VCAM1: variants seen among roughly 807,000 people sequenced by gnomAD.
The protein encoded by VCAM1 is vascular cell adhesion molecule 1.
A neutral mutation model predicts 63.8 loss-of-function variants in VCAM1; 41 were observed. The observed-to-expected ratio is 0.64, with a 90% CI of 0.50 to 0.83. The LOEUF is 0.83. Among genes scored for constraint, VCAM1 ranks in the 40% least tolerant of loss-of-function variants. The probability of loss-of-function intolerance (pLI) is 0.00; values close to 1 mark genes in which losing one functional copy is unlikely to be tolerated. For synonymous variants in VCAM1, 338 were observed against 320.7 expected, an observed-to-expected ratio of 1.05 and a Z score of -0.58; for missense variants, 798 against 875.5, an observed-to-expected ratio of 0.91 and a Z score of 1.12.
intron 4 of VCAM1, among the ~76,000 whole-genome samples, chr1:100,725,424 A>G (rs922591860): frequency 6.6e-6 from 1 of 152,040 alleles, no homozygotes; most frequent in African/African-American, 2.4e-5. Flanking sequence ...TAAACACCAG[A>G]TAGGTTTCTG....
intron 4 of VCAM1, among the ~76,000 whole-genome samples, chr1:100,728,436 C>T (rs1660258509): frequency 6.6e-6 from 1 of 151,942 alleles, no homozygotes; most frequent in Non-Finnish European, 1.5e-5. Flanking sequence ...TAGCTTTTTC[C>T]AGTACCTCTT....
intron 4 of VCAM1, among the ~76,000 whole-genome samples, chr1:100,725,227 A>C (rs376615703): frequency 4.6e-5 from 7 of 151,804 alleles, no homozygotes; most frequent in East Asian, 3.9e-4. Flanking sequence ...CTAGATTCCC[A>C]GGAATTGGAC....
chr1:100,726,481 T>C (rs957202712), intron 4 of VCAM1, among the ~76,000 whole-genome samples: 1 of 152,082 alleles, frequency 6.6e-6, no homozygotes. Context: ...TCAGTGCCTC[T>C]GCTTACGCTG....
In VCAM1 at chr1:100,734,575, T is replaced by C. The variant is rs1660582763; in HGVS notation, c.1866T>C (p.Ser622=). 6.2e-7 allele frequency: 1 copy of C among 1,613,896 alleles called. No homozygotes were observed. Among genetic ancestry groups the C allele is most frequent in the Admixed American group, 1.7e-5 (1 of 59,948 alleles). The change falls in exon 8 of 9, where the codon TCT becomes TCC. Residue 622 remains serine (S), a synonymous_variant. Coordinates refer to ENST00000294728, the MANE Select transcript of VCAM1 (RefSeq NM_001078.4). ...SVKEGDTVII[S]CTCGNVPETW... ...AAGAAGGAGACACTGTCATCATCTC[T>C]TGTACATGTGGAAATGTTCCAGAAA...
In VCAM1 at chr1:100,720,640, A is replaced by T; in HGVS notation, c.229A>T (p.Thr77Ser). The change falls in exon 2 of 9, where the codon ACA (threonine) becomes TCA (serine). Residue 77 changes from threonine to serine, a missense_variant. By Grantham distance (58) the Thr-to-Ser change is moderately conservative (BLOSUM62 1). Transcript: ENST00000294728. ...TGGGAAGGTGACGAATGAGGGGACC[A>T]CATCTACGCTGACAATGAATCCTGT... Reference protein sequence around the residue: ...LNGKVTNEGTTSTLTMNPVSF... With the variant: ...LNGKVTNEGTSSTLTMNPVSF... 3.7e-6 allele frequency: 6 copies of T among 1,613,256 alleles called. No individual in the cohort carries two copies. The highest frequency in any genetic ancestry group is 4.2e-6 in the Non-Finnish European group (5 of 1,179,522).
chr1:100,721,938 C>T (rs1571453193), intron 2 of VCAM1, among the ~76,000 whole-genome samples: 2 of 151,948 alleles, frequency 1.3e-5, no homozygotes, highest in Admixed American at 1.3e-4. Flanking sequence ...ATTTCCAGCT[C>T]CTTTGTCTTT....
rs773170568 is a variant in VCAM1 at position 100,731,078 on chromosome 1, C to T, written c.1205-120C>T. 2.5e-6 allele frequency: 2 copies of T among 806,740 alleles called. No homozygotes were observed. The highest frequency in any genetic ancestry group is 2.7e-5 in the East Asian group (1 of 37,134). The allele number at this position is 806,740 out of a possible 1,614,324, so 50.0% of individuals were successfully genotyped here. A position where few individuals can be genotyped will look rare whatever the true frequency, so the allele number is the denominator to read the frequency against. ...AATACTGTCATTACTTATATATTGA[C>T]AGTCATTCTATCCCAGGTGACTTAA... On this transcript the variant is annotated intron_variant, in intron 5 of 8. Coordinates refer to ENST00000294728, the MANE Select transcript of VCAM1 (RefSeq NM_001078.4). The surrounding 1 kb of genome is among the most constrained non-coding windows in gnomAD (Gnocchi z 4.2).
Position 100,729,387 on chromosome 1 carries a change from G to T in VCAM1, c.1204+5G>T. 1 of 1,554,906 alleles carries T rather than the reference G, an allele frequency of 6.4e-7. No homozygotes were observed. Among genetic ancestry groups the T allele is most frequent in the Non-Finnish European group, 8.7e-7 (1 of 1,153,542 alleles). The stretch of plus-strand genomic sequence containing the variant: ...GAATCCAGGTGGAGCTCTACTGTAA[G>T]TGGTTTTCAGAATTGTTTACTGTTT... On this transcript the variant is annotated splice_donor_5th_base_variant and intron_variant, in intron 5 of 8. Transcript: ENST00000294728.
At chr1:100,736,382 G>T (rs1482517143) in intron 8 of VCAM1, 1 of 152,106 alleles carries the variant, frequency 6.6e-6, no homozygotes, top group African/African-American at 2.4e-5. Flanking sequence ...CATTTGGCTG[G>T]ATTTTTTATT....
rs1659883245 is a variant in VCAM1, at chr1:100,719,772, A to G, written c.-89A>G. The G allele has an allele frequency of 7.3e-7, 1 of 1,373,256 alleles. No homozygotes were observed. Among genetic ancestry groups the G allele is most frequent in the Non-Finnish European group, 1.0e-6 (1 of 991,184 alleles). 85.1% of individuals were successfully genotyped at this position (1,373,256 alleles called of 1,614,324 possible). On this transcript the variant is annotated 5_prime_UTR_variant, in exon 1 of 9. Coordinates refer to ENST00000294728, the MANE Select transcript of VCAM1 (RefSeq NM_001078.4). ...ATCTGCATCGGGCCTCACTGGCTTC[A>G]GGAGCTGAATACCCTCCCAGGCACA...
rs751672963 is a variant in VCAM1 at position 100,731,360 on chromosome 1, C to T, written c.1367C>T (p.Thr456Met). The change falls in exon 6 of 9, where the codon ACG (threonine) becomes ATG (methionine). Residue 456 changes from threonine (T) to methionine (M), a missense_variant. Physicochemically the swap from Thr to Met is moderately conservative, Grantham distance 81. Coordinates refer to ENST00000294728, the MANE Select transcript of VCAM1 (RefSeq NM_001078.4). The surrounding 1 kb of genome is among the most constrained non-coding windows in gnomAD (Gnocchi z 4.2). ...GAGAATATAGAGTTTTTGGAGGATA[C>T]GGATATGAAATCTCTAGAGAACAAA... The part of the protein sequence containing the change: ...ILENIEFLED[T>M]DMKSLENKSL... The T allele has an allele frequency of 3.0e-5, 48 of 1,613,460 alleles. No individual in the cohort carries two copies. The highest frequency in any genetic ancestry group is 2.5e-4 in the Admixed American group (15 of 59,894).
intron 4 of VCAM1, among the ~76,000 whole-genome samples, chr1:100,726,679 A>G (rs1660172280): frequency 6.6e-6 from 1 of 152,076 alleles, no homozygotes; most frequent in African/African-American, 2.4e-5. Flanking sequence ...AACAAATATT[A>G]AGAGCCCTTG....
intron 4 of VCAM1, among the ~76,000 whole-genome samples, chr1:100,727,795 G>A (rs963779798): frequency 5.3e-5 from 8 of 152,056 alleles, no homozygotes; most frequent in Admixed American, 1.3e-4. Context: ...TTGTTTTTGT[G>A]AATGAGCTCT....
chr1:100,734,512 A>G lies in VCAM1; in HGVS notation c.1803A>G (p.Lys601=), dbSNP rs769919999. The change falls in exon 8 of 9, where the codon AAA becomes AAG. Residue 601 remains lysine, a synonymous_variant. Coordinates refer to ENST00000294728, the MANE Select transcript of VCAM1 (RefSeq NM_001078.4). ...AAATTCTCTTTACAGTTACTCCAAA[A>G]GACATAAAACTTACAGCTTTTCCTT... ...EVELIIQVTP[K]DIKLTAFPSE... is the part of the protein sequence containing the mutation. The G allele has an allele frequency of 1.1e-5, 18 of 1,612,090 alleles. No individual in the cohort carries two copies. In the South Asian group the frequency reaches 1.7e-4, roughly 15 times the overall value.
At chr1:100,737,152 A>G (rs1242672249) in intron 8 of VCAM1, 1 of 152,172 alleles carries the variant, frequency 6.6e-6, no homozygotes, top group Non-Finnish European at 1.5e-5. Flanking sequence ...TCCATTTACA[A>G]CTAAGTGGCA....
rs1055644132 is a variant in VCAM1, at chr1:100,731,542, A to G, written c.1525+24A>G. On this transcript the variant is annotated intron_variant, in intron 6 of 8. Coordinates refer to ENST00000294728, the MANE Select transcript of VCAM1 (RefSeq NM_001078.4). The surrounding 1 kb of genome is among the most constrained non-coding windows in gnomAD (Gnocchi z 4.2). Reference sequence around the variant, plus strand: ...TGGTAAGTACATATGTGAGGTATCTACAGTTTAATACCTGTCTCTTTATCG... The same window carrying G: ...TGGTAAGTACATATGTGAGGTATCTGCAGTTTAATACCTGTCTCTTTATCG... The G allele has an allele frequency of 6.3e-7, 1 of 1,580,646 alleles. No individual in the cohort carries two copies.
intron 5 of VCAM1, among the ~76,000 whole-genome samples, chr1:100,730,816 G>A (rs951706567): frequency 2.1e-4 from 32 of 152,220 alleles, no homozygotes; most frequent in African/African-American, 7.2e-4. Context: ...TAGGGGACTA[G>A]TTTACAATAA....
At chr1:100,733,439 T>G (rs1660536063) in intron 7 of VCAM1, among the ~76,000 whole-genome samples, 1 of 152,156 alleles carries the variant, frequency 6.6e-6, no homozygotes. Context: ...TTTCTTGTTA[T>G]CTCAACTCAA....
chr1:100,728,681 C>CAAAGAAGA (rs1660268240), intron 4 of VCAM1, among the ~76,000 whole-genome samples: 1 of 149,238 alleles, frequency 6.7e-6, no homozygotes, highest in African/African-American at 2.5e-5. Context: ...AAGAATAGTA[C>CAAAGAAGA]TAGTGTACAA....
Sources: gnomAD v4.1 joint callset for allele counts (sites outside exome capture counted in the v4.1 genomes callset) on GRCh38, gnomAD v4.1.1 for gene constraint, Gnocchi (gnomAD v3.1) non-coding constraint, MANE v1.5 for transcripts, NCBI Gene and HGNC (gene_info 2026-07-23, HGNC 2026-07-21) for gene names.